PLD5: variants seen among roughly 807,000 people sequenced by gnomAD.
PLD5 encodes inactive phospholipase D5.
Under a neutral mutation model 61.1 loss-of-function variants are expected in PLD5, and 36 were observed. That is an observed-to-expected ratio of 0.59 (90% CI 0.45 to 0.78). PLD5 has a LOEUF of 0.78. Among genes scored for constraint, PLD5 ranks in the 30% least tolerant of loss-of-function variants. The pLI, the probability that PLD5 is intolerant of heterozygous loss-of-function variation, is 0.00. For missense variants in PLD5, 515 were observed against 644.4 expected, an observed-to-expected ratio of 0.80 and a Z score of 2.17; for synonymous variants, 243 against 242.8, an observed-to-expected ratio of 1.00 and a Z score of -0.01.
At chr1:242,529,403 C>T (rs1005780211), upstream of PLD5, among the ~76,000 whole-genome samples, 1 of 152,008 alleles carries the variant, frequency 6.6e-6, no homozygotes, top group East Asian at 1.9e-4. Context: ...TGGGCTGGTC[C>T]TCAGAGGCAT....
chr1:242,333,678 TA>T (rs1164920235), intron 2 of PLD5, among the ~76,000 whole-genome samples: 2 of 152,214 alleles, frequency 1.3e-5, no homozygotes, highest in Non-Finnish European at 2.9e-5. Flanking sequence ...TGGCCTCTAG[TA>T]ACCACCAATC....
intron 4 of PLD5, among the ~76,000 whole-genome samples, chr1:242,254,369 A>G (rs1672895187): frequency 6.6e-6 from 1 of 150,662 alleles, no homozygotes; most frequent in Non-Finnish European, 1.5e-5. Flanking sequence ...AAAAAAAGAA[A>G]GAAAGGAAAA....
chr1:242,359,479 G>A (rs975562946), intron 1 of PLD5, among the ~76,000 whole-genome samples: 3 of 152,162 alleles, frequency 2.0e-5, no homozygotes, highest in African/African-American at 7.2e-5. Flanking sequence ...CTACACTGTG[G>A]AGTTTCAATA....
At chr1:242,500,684 A>G (rs1056562483) in intron 1 of PLD5, among the ~76,000 whole-genome samples, 5 of 152,148 alleles carry the variant, frequency 3.3e-5, no homozygotes, top group African/African-American at 1.2e-4. Context: ...GGGGAAGGGA[A>G]GAAGAGAAGA....
chr1:242,452,059 G>T (rs1398745124), intron 1 of PLD5, among the ~76,000 whole-genome samples: 1 of 152,082 alleles, frequency 6.6e-6, no homozygotes, highest in Non-Finnish European at 1.5e-5. Flanking sequence ...CCTCCCAACA[G>T]GGCTGAATGG....
intron 2 of PLD5, among the ~76,000 whole-genome samples, chr1:242,301,744 G>C (rs938053295): frequency 1.7e-4 from 23 of 133,174 alleles, no homozygotes; most frequent in African/African-American, 6.6e-4. Context: ...CCTTCCGTAG[G>C]TTTATTTTTA....
At chr1:242,424,640 A>G (rs1389758289) in intron 1 of PLD5, among the ~76,000 whole-genome samples, 2 of 151,950 alleles carry the variant, frequency 1.3e-5, no homozygotes, top group African/African-American at 4.8e-5. Context: ...GTATCTCCCA[A>G]ATTGGGTTTC....
intron 1 of PLD5, among the ~76,000 whole-genome samples, chr1:242,408,798 G>A (rs1392187525): frequency 6.6e-6 from 1 of 152,192 alleles, no homozygotes; most frequent in African/African-American, 2.4e-5. Context: ...GCCAGGCACA[G>A]TGGCTCACAC....
chr1:242,281,311 G>C (rs921224570), intron 3 of PLD5, among the ~76,000 whole-genome samples: 13 of 152,134 alleles, frequency 8.5e-5, no homozygotes, highest in African/African-American at 2.9e-4. Flanking sequence ...AAAGGAATGA[G>C]TGGGCTACCA....
intron 1 of PLD5, among the ~76,000 whole-genome samples, chr1:242,500,088 C>T (rs1368267706): frequency 6.6e-6 from 1 of 152,120 alleles, no homozygotes; most frequent in African/African-American, 2.4e-5. Context: ...AGATGCCGCA[C>T]AGTCTTTTAT....
In PLD5 at chr1:242,111,057, AT is replaced by A. The variant is rs112040049; in HGVS notation, c.1070+2832del. The stretch of plus-strand genomic sequence containing the variant: ...GGAAGAAGTGAAATAGGGCTTCTGA[AT>A]TTTTTTTTTTTTTTTTAAACGGAGT... On this transcript the variant is annotated intron_variant, in intron 7 of 9. Transcript: ENST00000536534. Among the ~76,000 whole-genome samples, 1,251 of 145,314 alleles carry A rather than the reference AT, an allele frequency of 8.6e-3. 9 individuals are homozygous for A. Among genetic ancestry groups the A allele is most frequent in the African/African-American group, 0.019 (767 of 39,396 alleles).
At chr1:242,094,667 T>G (rs1278846063) in intron 9 of PLD5, among the ~76,000 whole-genome samples, 1 of 152,132 alleles carries the variant, frequency 6.6e-6, no homozygotes, top group Non-Finnish European at 1.5e-5. Flanking sequence ...TAAAAATGTA[T>G]TATAGAGGGA....
intron 9 of PLD5, among the ~76,000 whole-genome samples, chr1:242,091,838 T>C (rs1282600656): frequency 6.6e-6 from 1 of 150,734 alleles, no homozygotes; most frequent in Non-Finnish European, 1.5e-5. Context: ...TTTTCTTTTT[T>C]TTTTTTTTTG....
chr1:242,512,950 C>A (rs1361097711), intron 1 of PLD5, among the ~76,000 whole-genome samples: 2 of 151,898 alleles, frequency 1.3e-5, no homozygotes, highest in Non-Finnish European at 2.9e-5. Context: ...TGGCTAATTG[C>A]AGTCTCGTCC....
chr1:242,418,472 T>C (rs185238889), intron 1 of PLD5, among the ~76,000 whole-genome samples: 3 of 152,196 alleles, frequency 2.0e-5, no homozygotes, highest in Non-Finnish European at 4.4e-5. Context: ...GGGAGGTGTT[T>C]GGGTGGGATC....
intron 1 of PLD5, among the ~76,000 whole-genome samples, chr1:242,395,354 C>T (rs566511506): frequency 1.3e-5 from 2 of 152,134 alleles, no homozygotes; most frequent in South Asian, 2.1e-4. Flanking sequence ...AAAACAGATC[C>T]CATTGCTTCT....
intron 2 of PLD5, among the ~76,000 whole-genome samples, chr1:242,330,065 T>C (rs1266651296): frequency 1.3e-5 from 2 of 152,194 alleles, no homozygotes; most frequent in African/African-American, 2.4e-5. Flanking sequence ...CCCATTGAAA[T>C]TATGATCCTC....
chr1:242,274,240 T>C (rs1292086255), intron 3 of PLD5, among the ~76,000 whole-genome samples: 1 of 152,220 alleles, frequency 6.6e-6, no homozygotes, highest in African/African-American at 2.4e-5. Context: ...GGATAATAGC[T>C]GTACTCTACA....
At chr1:242,233,045 T>C (rs552694801) in intron 4 of PLD5, among the ~76,000 whole-genome samples, 1 of 151,664 alleles carries the variant, frequency 6.6e-6, no homozygotes, top group East Asian at 2.0e-4. Context: ...TCCCAGCTAC[T>C]TGGGAGGCTG....
Sources: allele counts gnomAD v4.1 joint callset (sites outside exome capture counted in the v4.1 genomes callset), GRCh38; gene constraint gnomAD v4.1.1; transcripts MANE v1.5; gene names NCBI Gene and HGNC (gene_info 2026-07-23, HGNC 2026-07-21).